Variants in CCDC14 observed in about 807,000 individuals in gnomAD.
The protein encoded by CCDC14 is coiled-coil domain containing 14.
CCDC14 carries 71 observed loss-of-function variants against 81.4 expected under a neutral mutation model. That is an observed-to-expected ratio of 0.87 (90% CI 0.72 to 1.06). The LOEUF is 1.06. Among genes scored for constraint, CCDC14 ranks in the 50% least tolerant of loss-of-function variants. The pLI, the probability that CCDC14 is intolerant of heterozygous loss-of-function variation, is 0.00. For missense variants in CCDC14, 1,046 were observed against 1,047.3 expected, an observed-to-expected ratio of 1.00 and a Z score of 0.02; for synonymous variants, 332 against 364.8, an observed-to-expected ratio of 0.91 and a Z score of 1.03.
chr3:123,916,468 T>TGTGTG lies in CCDC14; in HGVS notation c.1779-751_1779-750insCACAC, dbSNP rs1559764283. The stretch of plus-strand genomic sequence containing the variant: ...TTATTTCCCTTCATTATATATGTGT[T>TGTGTG]TGTGTGTGTGTGTGTGTGTGTGTGT... On this transcript the variant is annotated intron_variant, in intron 12 of 12. Coordinates refer to ENST00000409697, the MANE Select transcript of CCDC14 (RefSeq NM_001366335.1). 8.8e-3 allele frequency among the ~76,000 whole-genome samples: 1,282 copies of TGTGTG among 146,176 alleles called. 14 individuals are homozygous for TGTGTG. The highest frequency in any genetic ancestry group is 0.022 in the East Asian group (110 of 4,992).
At position 123,956,052 on chromosome 3, in the gene CCDC14, C is replaced by A; in HGVS notation, c.223G>T (p.Asp75Tyr). 1 of 1,542,840 alleles carries A rather than the reference C, an allele frequency of 6.5e-7. No individual in the cohort carries two copies. Among genetic ancestry groups the A allele is most frequent in the Non-Finnish European group, 8.7e-7 (1 of 1,143,906 alleles). The change falls in exon 4 of 13, where the codon GAT becomes TAT. Residue 75 changes from aspartate to tyrosine, a missense_variant. Transcript: ENST00000409697. Reference sequence around the variant, plus strand: ...AGAATTAAAAAAAAAAAACCTGAATCTTCATTTCTCAAAATGTCCCTCAGC... The same window carrying A: ...AGAATTAAAAAAAAAAAACCTGAATATTCATTTCTCAAAATGTCCCTCAGC... ...SLLRDILRNE[D>Y]SGSETAYLEN...
Position 123,913,487 on chromosome 3 carries a change from T to A in CCDC14, c.*1292A>T, listed in dbSNP as rs2034495157. On this transcript the variant is annotated 3_prime_UTR_variant, in exon 13 of 13. Transcript: ENST00000409697. ...TGTTAAAGAGTTGTGGCCTATTACC[T>A]CCAAATAAGATGCCAATAAATTAAT... 23 of 981,142 alleles carry A rather than the reference T, an allele frequency of 2.3e-5. No homozygotes were observed. Among genetic ancestry groups the A allele is most frequent in the Non-Finnish European group, 2.7e-5 (22 of 826,194 alleles). The allele number at this position is 981,142 out of a possible 1,614,324, so 60.8% of individuals were successfully genotyped here.
At chr3:123,916,478 G>GTGTT (rs2034704370) in intron 12 of CCDC14, among the ~76,000 whole-genome samples, 1 of 150,500 alleles carries the variant, frequency 6.6e-6, no homozygotes, top group Non-Finnish European at 1.5e-5. Context: ...TTGTGTGTGT[G>GTGTT]TGTGTGTGTG....
rs199673629 is a variant in CCDC14 at position 123,949,087 on chromosome 3, C to A, written c.398G>T (p.Arg133Ile). The A allele has an allele frequency of 1.9e-6, 3 of 1,611,302 alleles. No homozygotes were observed. The highest frequency in any genetic ancestry group is 1.7e-5 in the Admixed American group (1 of 59,632). Residue 133 changes from arginine to isoleucine, a missense_variant, in exon 6 of 13, where the codon AGA becomes ATA. Coordinates refer to ENST00000409697, the MANE Select transcript of CCDC14 (RefSeq NM_001366335.1). ...TAGGTCTGATGTGTCTCTTTCACTTCTAGCAGAAGCTTCATTAGGTATCTG... is the reference window on the plus strand; with the variant it reads ...TAGGTCTGATGTGTCTCTTTCACTTATAGCAGAAGCTTCATTAGGTATCTG... ...KKQIPNEASA[R>I]SERDTSDLEQ...
chr3:123,893,990 A>G (rs892448849), downstream of CCDC14, among the ~76,000 whole-genome samples: 2 of 152,146 alleles, frequency 1.3e-5, no homozygotes, highest in Non-Finnish European at 2.9e-5. Context: ...CTCATTCTGT[A>G]GGTTGCTTTG....
chr3:123,915,815 A>C, intron 12 of CCDC14, 97 bp from the exon 13 acceptor site: 1 of 933,076 alleles, frequency 1.1e-6, no homozygotes, highest in Non-Finnish European at 1.6e-6. Context: ...ATTTGAGAGA[A>C]GTGTCTGGTT....
downstream of CCDC14, among the ~76,000 whole-genome samples, chr3:123,909,988 T>C (rs1156508159): frequency 6.6e-6 from 1 of 152,228 alleles, no homozygotes; most frequent in Non-Finnish European, 1.5e-5. Flanking sequence ...TATTTCATTA[T>C]TCATGGCCTC....
downstream of CCDC14, among the ~76,000 whole-genome samples, chr3:123,892,943 T>C (rs1030529742): frequency 5.9e-5 from 9 of 152,228 alleles, no homozygotes; most frequent in African/African-American, 2.2e-4. Flanking sequence ...TACCTGGGAC[T>C]ATAGGTGCGT....
At chr3:123,900,411 T>A (rs2034156160) in intron 5 of CCDC14, among the ~76,000 whole-genome samples, 1 of 152,192 alleles carries the variant, frequency 6.6e-6, no homozygotes, top group African/African-American at 2.4e-5. Flanking sequence ...CCAGATTCCT[T>A]TTCTGAGTAG....
At chr3:123,947,408 T>G (rs538845940) in intron 7 of CCDC14, 89 bp from the exon 8 acceptor site, 1 of 846,122 alleles carries the variant, frequency 1.2e-6, no homozygotes, top group East Asian at 2.7e-5. Flanking sequence ...GAAATATATT[T>G]ATTAAAACAT....
intron 5 of CCDC14, chr3:123,955,390 G>C (rs1052004902): frequency 6.6e-6 from 1 of 152,024 alleles, no homozygotes; most frequent in African/African-American, 2.4e-5. Flanking sequence ...TTATTCATCC[G>C]ATTTTACCTT....
intron 12 of CCDC14, among the ~76,000 whole-genome samples, chr3:123,926,658 T>C (rs2148833281): frequency 6.6e-6 from 1 of 151,374 alleles, no homozygotes; most frequent in East Asian, 1.9e-4. Context: ...TGTAGTAAGA[T>C]CTGAAAAAAA....
At chr3:123,930,325 GAAGATTATTTTATATTC>G (rs982175808) in intron 12 of CCDC14, among the ~76,000 whole-genome samples, 9 of 152,146 alleles carry the variant, frequency 5.9e-5, no homozygotes, top group Non-Finnish European at 1.0e-4. Flanking sequence ...GAAACACAAG[GAAGATTATTTTATATTC>G]AAGATTATTT....
At chr3:123,947,958 T>G (rs1218413252) in intron 7 of CCDC14, among the ~76,000 whole-genome samples, 2 of 152,124 alleles carry the variant, frequency 1.3e-5, no homozygotes, top group African/African-American at 2.4e-5. Context: ...TATATATTAA[T>G]AAACATGTTT....
intron 12 of CCDC14, among the ~76,000 whole-genome samples, chr3:123,920,698 C>A (rs2034995934): frequency 6.6e-6 from 1 of 152,176 alleles, no homozygotes; most frequent in African/African-American, 2.4e-5. Context: ...AAAACAAGTT[C>A]TTTAAGCTGA....
chr3:123,957,739 G>C (rs958529099), intron 1 of CCDC14: 1 of 151,776 alleles, frequency 6.6e-6, no homozygotes, highest in Non-Finnish European at 1.5e-5. Context: ...GAGCGAGAAG[G>C]GACACTTTCC....
intron 9 of CCDC14, among the ~76,000 whole-genome samples, chr3:123,943,987 CCAAT>C (rs1218584270): frequency 1.3e-5 from 2 of 152,116 alleles, no homozygotes; most frequent in Admixed American, 1.3e-4. Flanking sequence ...CGATTTATAG[CCAAT>C]CAGTCAGAAA....
At chr3:123,922,216 C>A (rs1244886462) in intron 12 of CCDC14, among the ~76,000 whole-genome samples, 1 of 152,052 alleles carries the variant, frequency 6.6e-6, no homozygotes, top group East Asian at 1.9e-4. Flanking sequence ...TTATGGGATG[C>A]AGCAAAAGCA....
At position 123,913,939 on chromosome 3, in the gene CCDC14, G is replaced by A; in HGVS notation, c.*840C>T. The A allele has an allele frequency of 3.0e-6, 3 of 984,950 alleles. No individual in the cohort carries two copies. Among genetic ancestry groups the A allele is most frequent in the Non-Finnish European group, 3.6e-6 (3 of 829,260 alleles). The allele number at this position is 984,950 out of a possible 1,614,324, so 61.0% of individuals were successfully genotyped here. A position where few individuals can be genotyped will look rare whatever the true frequency, so the allele number is the denominator to read the frequency against. ...TACTTCATATTATTTATAAAATAGAGAATATTCTCAGCTAACATGCTGGGA... is the reference window on the plus strand; with the variant it reads ...TACTTCATATTATTTATAAAATAGAAAATATTCTCAGCTAACATGCTGGGA... On this transcript the variant is annotated 3_prime_UTR_variant, in exon 13 of 13. Coordinates refer to ENST00000409697, the MANE Select transcript of CCDC14 (RefSeq NM_001366335.1).
Sources: allele counts gnomAD v4.1 joint callset (sites outside exome capture counted in the v4.1 genomes callset), GRCh38; gene constraint gnomAD v4.1.1; transcripts MANE v1.5; gene names NCBI Gene and HGNC (gene_info 2026-07-23, HGNC 2026-07-21).